TRIM74: variants seen among roughly 807,000 people sequenced by gnomAD.
TRIM74 encodes the protein tripartite motif containing 74.
In TRIM74, 3 loss-of-function variants were observed where a neutral mutation model predicts 14.5. That is an observed-to-expected ratio of 0.21 (90% confidence interval 0.09 to 0.53). The LOEUF (loss-of-function observed/expected upper bound fraction) is 0.53, where lower values mean the gene tolerates loss of function less well. Among genes scored for constraint, TRIM74 ranks in the 20% least tolerant of loss-of-function variants. The probability of loss-of-function intolerance (pLI) is 0.95; values close to 1 mark genes in which losing one functional copy is unlikely to be tolerated. For synonymous variants in TRIM74, 10 were observed against 71.3 expected (o/e 0.14, Z 4.33); for missense variants, 26 against 174.0 (o/e 0.15, Z 4.79).
downstream of TRIM74, chr7:72,955,087 G>GTATATATATATATATATATA (rs56757405): frequency 1.7e-5 from 5 of 301,368 alleles, no homozygotes; most frequent in African/African-American, 1.4e-4. Context: ...GTGTATGTGT[G>GTATATATATATATATATATA]TATATATATA....
chr7:72,954,953 T>TC, downstream of TRIM74: 1 of 598,360 alleles, frequency 1.7e-6, no homozygotes. Flanking sequence ...CTCCAGTTCT[T>TC]CAGTCTTTGT....
At chr7:72,956,867 C>A (rs1798103890), downstream of TRIM74, among the ~76,000 whole-genome samples, 1 of 151,056 alleles carries the variant, frequency 6.6e-6, no homozygotes. Context: ...GTGGGTCACA[C>A]CTGTAATCCC....
chr7:72,966,465 T>A (rs1319284039), intron 1 of TRIM74, among the ~76,000 whole-genome samples: 1 of 131,512 alleles, frequency 7.6e-6, no homozygotes, highest in Non-Finnish European at 1.5e-5. Context: ...AAAGGGGCCA[T>A]CTGCAGGGTC....
chr7:72,955,082 T>A, downstream of TRIM74: 2 of 489,008 alleles, frequency 4.1e-6, no homozygotes, highest in Middle Eastern at 5.5e-4. Context: ...TATGTGTGTA[T>A]GTGTGTATAT....
At chr7:72,962,598 C>T (rs1297042676) in intron 2 of TRIM74, among the ~76,000 whole-genome samples, 1 of 41,086 alleles carries the variant, frequency 2.4e-5, no homozygotes, top group Non-Finnish European at 4.4e-5. Context: ...AGGAGAATGG[C>T]GTGAACCTGG....
chr7:72,955,065 T>TGTGTATTA (rs1554505403), downstream of TRIM74: 1 of 643,792 alleles, frequency 1.6e-6, no homozygotes, highest in Non-Finnish European at 2.8e-6. Context: ...TATATGTGTG[T>TGTGTATTA]GTGTATTATG....
At chr7:72,966,690 T>A (rs1369873332) in intron 1 of TRIM74, 1 of 68,040 alleles carries the variant, frequency 1.5e-5, no homozygotes, top group East Asian at 3.1e-4. Context: ...TCTACACTTA[T>A]AGGTGACACT....
At position 72,960,057 on chromosome 7, in the gene TRIM74, TTCCAGCACACAC is replaced by T. The variant is rs1798157557; in HGVS notation, c.678_689del (p.Cys227_Glu230del). On this transcript the variant is annotated inframe_deletion, in exon 4 of 5. Coordinates refer to ENST00000285805, the MANE Select transcript of TRIM74 (RefSeq NM_198853.3). ...CATGGTGGTCCTCATTTCCGAACTG[TTCCAGCACACAC>T]TCGGCTTGGGCCAGCCGCTCCCGGG... is the stretch of plus-strand genomic sequence containing the variant. The T allele has an allele frequency of 1.6e-5, 26 of 1,611,508 alleles. No individual in the cohort carries two copies. In the Admixed American group the frequency reaches 2.8e-4, roughly 18 times the overall value.
chr7:72,963,421 GAGA>G (rs1197210836), intron 2 of TRIM74, among the ~76,000 whole-genome samples: 7 of 148,074 alleles, frequency 4.7e-5, no homozygotes, highest in African/African-American at 1.7e-4. Flanking sequence ...CCTTCCCCGT[GAGA>G]AGAACTAAGT....
downstream of TRIM74, among the ~76,000 whole-genome samples, chr7:72,955,619 C>T (rs1386040017): frequency 2.0e-5 from 3 of 150,396 alleles, no homozygotes; most frequent in African/African-American, 2.5e-5. Flanking sequence ...TGAAATGGGC[C>T]GGTTTGGCCA....
downstream of TRIM74, among the ~76,000 whole-genome samples, chr7:72,955,124 T>TTTC (rs782166604): frequency 0.022 from 2,682 of 123,288 alleles, 49 homozygotes; most frequent in Middle Eastern, 0.047. Context: ...TTTTTTTTTT[T>TTTC]CAGACAAAAA....
chr7:72,966,696 A>G (rs1295220125), intron 1 of TRIM74: 3 of 67,306 alleles, frequency 4.5e-5, no homozygotes, highest in African/African-American at 9.8e-5. Context: ...CTTATAGGTG[A>G]CACTCCCAGG....
At chr7:72,966,281 CTT>C (rs1469450549) in intron 1 of TRIM74, 106 bp from the exon 2 acceptor site, 2 of 287,434 alleles carry the variant, frequency 7.0e-6, no homozygotes, top group Non-Finnish European at 1.1e-5. Flanking sequence ...ATAAGAAACA[CTT>C]TGAGTCCTGG....
At chr7:72,967,420 G>A (rs1798313662) in intron 1 of TRIM74, among the ~76,000 whole-genome samples, 1 of 152,198 alleles carries the variant, frequency 6.6e-6, no homozygotes, top group Non-Finnish European at 1.5e-5. Flanking sequence ...ACCATGCCAA[G>A]CTAATTTTTA....
chr7:72,955,124 T>TTTTTC (rs782166604), downstream of TRIM74, among the ~76,000 whole-genome samples: 15 of 123,540 alleles, frequency 1.2e-4, no homozygotes, highest in African/African-American at 4.3e-4. Flanking sequence ...TTTTTTTTTT[T>TTTTTC]CAGACAAAAA....
At chr7:72,962,631 G>T (rs1450569608) in intron 2 of TRIM74, among the ~76,000 whole-genome samples, 1 of 78,924 alleles carries the variant, frequency 1.3e-5, no homozygotes, top group East Asian at 3.6e-4. Flanking sequence ...GCAGTGAGCC[G>T]AGATCGCCCA....
At chr7:72,955,195 C>T (rs1223656439), downstream of TRIM74, among the ~76,000 whole-genome samples, 1 of 121,524 alleles carries the variant, frequency 8.2e-6, no homozygotes. Context: ...CTCCCAGGTT[C>T]AAGCAATTCT....
chr7:72,960,372 G>T, intron 3 of TRIM74, 121 bp from the exon 4 acceptor site: 1 of 454,750 alleles, frequency 2.2e-6, no homozygotes, highest in Non-Finnish European at 3.6e-6. Flanking sequence ...AGTCTCAGGG[G>T]AGGCTGCATG....
chr7:72,966,384 C>T (rs139833263), intron 1 of TRIM74, among the ~76,000 whole-genome samples: 18 of 131,536 alleles, frequency 1.4e-4, no homozygotes, highest in Admixed American at 7.2e-4. Context: ...CTTGAAGATA[C>T]GTGTGTGTGT....
Sources: gnomAD v4.1 joint callset for allele counts (sites outside exome capture counted in the v4.1 genomes callset) on GRCh38, gnomAD v4.1.1 for gene constraint, MANE v1.5 for transcripts, NCBI Gene and HGNC (gene_info 2026-07-23, HGNC 2026-07-21) for gene names.